The following BOP1 variants were observed in gnomAD, a reference collection of about 807,000 sequenced individuals.
BOP1 encodes the protein BOP1 ribosomal biogenesis factor, also known as ribosome biogenesis protein BOP1.
A neutral mutation model predicts 82.9 loss-of-function variants in BOP1; 54 were observed. The observed-to-expected ratio is 0.65, with a 90% CI of 0.52 to 0.82. BOP1 has a LOEUF of 0.82. Ranked by LOEUF, BOP1 falls within the 40% of genes least tolerant of loss-of-function variation. The pLI, the probability that BOP1 is intolerant of heterozygous loss-of-function variation, is 0.00. For synonymous variants in BOP1, 566 were observed against 451.1 expected (o/e 1.25, Z -3.23); for missense variants, 1,170 against 1,072.0 (o/e 1.09, Z -1.28).
At position 144,264,053 on chromosome 8, in the gene BOP1, G is replaced by A. The variant is rs1317078055; in HGVS notation, c.1068C>T (p.Tyr356=). The change falls in exon 8 of 16, where the codon TAC becomes TAT. Residue 356 remains tyrosine, a synonymous_variant. Coordinates refer to ENST00000569669, the MANE Select transcript of BOP1 (RefSeq NM_015201.5). ...CGAAGCGTTCCTGGATGAAGCGTCC[G>A]TAGGCAGGCACGGCCCGCAGGCTCG... ...KFPSLRAVPA[Y]GRFIQERFER... 52 of 1,609,892 alleles carry A rather than the reference G, an allele frequency of 3.2e-5. No individual in the cohort carries two copies. The highest frequency in any genetic ancestry group is 5.5e-5 in the South Asian group (5 of 91,046).
At chr8:144,278,806 A>G (rs1554838604) in intron 2 of BOP1, among the ~76,000 whole-genome samples, 2 of 152,202 alleles carry the variant, frequency 1.3e-5, no homozygotes, top group African/African-American at 4.8e-5. Context: ...GCTGCTATCC[A>G]AGAGCTCTGT....
At chr8:144,266,859 G>A (rs1845382446) in intron 3 of BOP1, 6 of 1,420,614 alleles carry the variant, frequency 4.2e-6, no homozygotes, top group South Asian at 4.0e-5. Flanking sequence ...CGGCGAACGC[G>A]CGCGAGCGAG....
At chr8:144,290,907 G>A (rs978791768) in intron 1 of BOP1, among the ~76,000 whole-genome samples, 2 of 152,224 alleles carry the variant, frequency 1.3e-5, no homozygotes, top group Non-Finnish European at 2.9e-5. Flanking sequence ...TTATTCTCAT[G>A]TCTATCCCAT....
Position 144,283,786 on chromosome 8 carries a change from C to T in BOP1, c.309+5309G>A, listed in dbSNP as rs181919301. 5.3e-5 allele frequency among the ~76,000 whole-genome samples: 8 copies of T among 152,354 alleles called. No individual in the cohort carries two copies. In the East Asian group the frequency reaches 1.4e-3, roughly 26 times the overall value. On this transcript the variant is annotated intron_variant, in intron 2 of 15. Transcript: ENST00000569669. ...GCGGCTGCAGTAGTGCATGGCATCACCGCCTAGCGGAGGGACGCTCCAAGC... is the reference window on the plus strand; with the variant it reads ...GCGGCTGCAGTAGTGCATGGCATCATCGCCTAGCGGAGGGACGCTCCAAGC...
chr8:144,277,491 T>A (rs945777587), intron 2 of BOP1, among the ~76,000 whole-genome samples: 3 of 152,218 alleles, frequency 2.0e-5, no homozygotes, highest in Non-Finnish European at 4.4e-5. Context: ...CGGGCTGGGC[T>A]CCCGACCCCT....
At position 144,262,221 on chromosome 8, in the gene BOP1, G is replaced by C. The variant is rs1338907565; in HGVS notation, c.2184C>G (p.Pro728=). The C allele has an allele frequency of 6.2e-7, 1 of 1,612,552 alleles. No homozygotes were observed. Among genetic ancestry groups the C allele is most frequent in the African/African-American group, 1.3e-5 (1 of 74,880 alleles). Residue 728 remains proline (P), a synonymous_variant, in exon 16 of 16, where the codon CCC becomes CCG. Coordinates refer to ENST00000569669, the MANE Select transcript of BOP1 (RefSeq NM_015201.5). ...DLGVLDVIFH[P]TQPWVFSSGA... is the part of the protein sequence containing the mutation. ...CCGAGGAGAAGACCCACGGCTGGGTGGGGTGGAAGATGACGTCCAGCACTC... is the reference window on the plus strand; with the variant it reads ...CCGAGGAGAAGACCCACGGCTGGGTCGGGTGGAAGATGACGTCCAGCACTC...
At chr8:144,280,973 A>C (rs202137490) in intron 2 of BOP1, among the ~76,000 whole-genome samples, 2,641 of 51,266 alleles carry the variant, frequency 0.052, 53 homozygotes, top group African/African-American at 0.1. Flanking sequence ...CTCTCACTTT[A>C]ATACCAGGTC....
At chr8:144,268,330 T>C in intron 3 of BOP1, 2 of 787,100 alleles carry the variant, frequency 2.5e-6, no homozygotes, top group Non-Finnish European at 2.0e-6. Context: ...GCAGCGGGAC[T>C]CTGCGCTGGC....
At chr8:144,269,039 T>C (rs1211323622) in intron 3 of BOP1, among the ~76,000 whole-genome samples, 2 of 152,152 alleles carry the variant, frequency 1.3e-5, no homozygotes, top group African/African-American at 4.8e-5. Context: ...CCAGTGCCAC[T>C]TGGCCCCTGG....
chr8:144,279,340 G>T (rs886511288), intron 2 of BOP1, among the ~76,000 whole-genome samples: 1 of 147,340 alleles, frequency 6.8e-6, no homozygotes, highest in African/African-American at 2.5e-5. Context: ...CAACCACCAT[G>T]GGCCACGACC....
intron 2 of BOP1, among the ~76,000 whole-genome samples, 154 bp from the exon 3 acceptor site, chr8:144,276,458 G>A (rs1205562191): frequency 6.6e-6 from 1 of 152,226 alleles, no homozygotes; most frequent in Non-Finnish European, 1.5e-5. Flanking sequence ...GCTCTAAGGG[G>A]GCCTCTGGGG....
Position 144,263,961 on chromosome 8 carries a change from G to A in BOP1, c.1140+20C>T. 1.2e-6 allele frequency: 2 copies of A among 1,611,128 alleles called. No individual in the cohort carries two copies. The highest frequency in any genetic ancestry group is 1.7e-6 in the Non-Finnish European group (2 of 1,179,558). On this transcript the variant is annotated intron_variant, in intron 8 of 15. Coordinates refer to ENST00000569669, the MANE Select transcript of BOP1 (RefSeq NM_015201.5). Reference sequence around the variant, plus strand: ...GCCTTGCCCCCTGTGCCACCCCCCTGGTGTGCCACCCCCACACACCCTCAT... The same window carrying A: ...GCCTTGCCCCCTGTGCCACCCCCCTAGTGTGCCACCCCCACACACCCTCAT...
chr8:144,277,190 C>A (rs4074679), intron 2 of BOP1, among the ~76,000 whole-genome samples: 81,497 of 150,324 alleles, frequency 0.54, 22,435 homozygotes, highest in South Asian at 0.59. Context: ...CTCTTCTCTC[C>A]GGCCCGGGCT....
At position 144,263,724 on chromosome 8, in the gene BOP1, C is replaced by T. The variant is rs1223084712; in HGVS notation, c.1259G>A (p.Ser420Asn). The T allele has an allele frequency of 2.5e-6, 4 of 1,575,604 alleles. No homozygotes were observed. Among genetic ancestry groups the T allele is most frequent in the African/African-American group, 1.4e-5 (1 of 74,040 alleles). Reference protein sequence around the residue: ...RGHSDLVRCLSVSPGGQWLVS... With the variant: ...RGHSDLVRCLNVSPGGQWLVS... ...CAGCCACTGGCCCCCAGGAGAGACA[C>T]TGAGGCACCGGACAAGGTCACTGTG... Residue 420 changes from serine to asparagine, a missense_variant, in exon 10 of 16, where the codon AGT becomes AAT. Ser to Asn is a conservative substitution (Grantham distance 46). Transcript: ENST00000569669.
intron 3 of BOP1, among the ~76,000 whole-genome samples, chr8:144,273,376 G>GACTCCAGA (rs111355216): frequency 0.57 from 85,146 of 149,984 alleles, 24,399 homozygotes; most frequent in South Asian, 0.62. Flanking sequence ...CTGCACCCCA[G>GACTCCAGA]CCCCAGACTC....
chr8:144,262,884 C>T lies in BOP1; in HGVS notation c.1863G>A (p.Lys621=), dbSNP rs1845257221. Residue 621 remains lysine, a synonymous_variant, in exon 13 of 16, where the codon AAG becomes AAA. Coordinates refer to ENST00000569669, the MANE Select transcript of BOP1 (RefSeq NM_015201.5). ...GGTGCACCGCCAGGCTGGACACCCA[C>T]TTGCAGTTGGGCATCAGCTTCTTGG... The part of the protein sequence containing the change: ...ELTKKLMPNC[K]WVSSLAVHPA... The T allele has an allele frequency of 3.2e-6, 5 of 1,551,732 alleles. No individual in the cohort carries two copies. In the African/African-American group the frequency reaches 5.6e-5, roughly 17 times the overall value.
intron 3 of BOP1, among the ~76,000 whole-genome samples, chr8:144,268,724 G>C (rs1845438793): frequency 6.6e-6 from 1 of 151,658 alleles, no homozygotes; most frequent in Non-Finnish European, 1.5e-5. Flanking sequence ...GCCACGCCGG[G>C]AGAGAGGGTG....
chr8:144,262,838 G>T lies in BOP1; in HGVS notation c.1894+15C>A, dbSNP rs1333577944. ...CCACCCCTCACCTGCAGGGTGCACC[G>T]CCCCCACCCCTCACCTGCAGGGTGC... is the stretch of plus-strand genomic sequence containing the variant. On this transcript the variant is annotated intron_variant, in intron 13 of 15. Transcript: ENST00000569669. 1.4e-6 allele frequency: 1 copy of T among 727,960 alleles called. No individual in the cohort carries two copies. The highest frequency in any genetic ancestry group is 1.9e-6 in the Non-Finnish European group (1 of 535,796). The allele number at this position is 727,960 out of a possible 1,614,324, so 45.1% of individuals were successfully genotyped here. A position where few individuals can be genotyped will look rare whatever the true frequency, so the allele number is the denominator to read the frequency against.
chr8:144,274,866 A>G (rs2130235946), intron 3 of BOP1, among the ~76,000 whole-genome samples: 1 of 152,142 alleles, frequency 6.6e-6, no homozygotes, highest in East Asian at 1.9e-4. Flanking sequence ...AATACCAAAT[A>G]TAAAAAAGTA....
Sources: allele counts gnomAD v4.1 joint callset (sites outside exome capture counted in the v4.1 genomes callset), GRCh38; gene constraint gnomAD v4.1.1; transcripts MANE v1.5; gene names NCBI Gene and HGNC (gene_info 2026-07-23, HGNC 2026-07-21).